The following SCLT1 variants were observed in gnomAD, a reference collection of about 807,000 sequenced individuals.
SCLT1 encodes sodium channel and clathrin linker 1.
SCLT1 carries 78 observed loss-of-function variants against 112.8 expected under a neutral mutation model. That is an observed-to-expected ratio of 0.69 (90% CI 0.58 to 0.83). The LOEUF is 0.83. Among genes scored for constraint, SCLT1 ranks in the 40% least tolerant of loss-of-function variants. SCLT1 has a pLI of 0.00. For synonymous variants in SCLT1, 257 were observed against 254.7 expected, an observed-to-expected ratio of 1.01 and a Z score of -0.09; for missense variants, 747 against 770.4, an observed-to-expected ratio of 0.97 and a Z score of 0.36.
intron 4 of SCLT1, chr4:129,040,180 G>C: frequency 1.4e-6 from 1 of 702,618 alleles, no homozygotes. Flanking sequence ...AATTTGGTTT[G>C]AAAGGTGAAC....
chr4:129,049,190 C>T lies in SCLT1; in HGVS notation c.103-5139G>A, dbSNP rs558188313. ...AAAGACACATGCACACGTATGTTTACTGCGGCATTATTCACAATAGCAAAG... is the reference window on the plus strand; with the variant it reads ...AAAGACACATGCACACGTATGTTTATTGCGGCATTATTCACAATAGCAAAG... On this transcript the variant is annotated intron_variant, in intron 2 of 20. Coordinates refer to ENST00000281142, the MANE Select transcript of SCLT1 (RefSeq NM_144643.4). 4.5e-3 allele frequency among the ~76,000 whole-genome samples: 676 copies of T among 151,332 alleles called. 4 individuals are homozygous for T. The highest frequency in any genetic ancestry group is 0.015 in the African/African-American group (634 of 41,090).
At chr4:128,993,244 T>C (rs1179086258) in intron 8 of SCLT1, among the ~76,000 whole-genome samples, 1 of 152,074 alleles carries the variant, frequency 6.6e-6, no homozygotes, top group Non-Finnish European at 1.5e-5. Context: ...TACATGCCTT[T>C]ACAGTGCACA....
chr4:129,068,916 T>C (rs1477933544), intron 2 of SCLT1, among the ~76,000 whole-genome samples: 1 of 152,206 alleles, frequency 6.6e-6, no homozygotes, highest in Non-Finnish European at 1.5e-5. Context: ...GGTCTTAGAT[T>C]TAAGTCCTTA....
intron 17 of SCLT1, among the ~76,000 whole-genome samples, chr4:128,938,495 T>C (rs779022023): frequency 1.3e-5 from 2 of 152,218 alleles, no homozygotes; most frequent in African/African-American, 2.4e-5. Flanking sequence ...GCAAGCCTCC[T>C]GAGGCCACTT....
chr4:128,952,438 C>T (rs1738837236), intron 14 of SCLT1: 1 of 478,216 alleles, frequency 2.1e-6, no homozygotes. Context: ...TTCTTCCTTC[C>T]CACTGTTATA....
At chr4:128,896,994 A>C (rs1432980745) in intron 18 of SCLT1, among the ~76,000 whole-genome samples, 2 of 152,198 alleles carry the variant, frequency 1.3e-5, no homozygotes, top group Non-Finnish European at 2.9e-5. Flanking sequence ...AAAAGAAACG[A>C]ACAAAGCCTC....
chr4:129,048,551 T>A (rs1427475106), intron 2 of SCLT1, among the ~76,000 whole-genome samples: 1 of 151,282 alleles, frequency 6.6e-6, no homozygotes, highest in Non-Finnish European at 1.5e-5. Context: ...GGCATTACCA[T>A]TCAGGACATA....
intron 5 of SCLT1, among the ~76,000 whole-genome samples, chr4:129,006,634 AT>A (rs1003521211): frequency 3.3e-5 from 5 of 151,892 alleles, no homozygotes; most frequent in African/African-American, 1.2e-4. Flanking sequence ...TTGCAAGGTC[AT>A]TTTTTTAATC....
intron 3 of SCLT1, among the ~76,000 whole-genome samples, chr4:129,043,762 A>G (rs1346760654): frequency 1.3e-5 from 2 of 152,178 alleles, no homozygotes; most frequent in African/African-American, 2.4e-5. Flanking sequence ...GTGACAAACA[A>G]AAATGTTTCT....
chr4:128,952,914 A>G (rs890074766), intron 13 of SCLT1, 74 bp from the exon 14 acceptor site: 8 of 781,378 alleles, frequency 1.0e-5, no homozygotes, highest in African/African-American at 1.7e-5. Flanking sequence ...AACACTCAGG[A>G]TAATAATTTT....
intron 2 of SCLT1, among the ~76,000 whole-genome samples, chr4:129,076,666 GA>G (rs907889471): frequency 1.4e-5 from 2 of 147,752 alleles, no homozygotes; most frequent in Admixed American, 6.8e-5. Context: ...GCCTGGGTAT[GA>G]AAAAAAAAGC....
chr4:129,064,675 G>A (rs1444567740), intron 2 of SCLT1, among the ~76,000 whole-genome samples: 1 of 152,052 alleles, frequency 6.6e-6, no homozygotes, highest in African/African-American at 2.4e-5. Flanking sequence ...CAATTTTTAT[G>A]TGTCTAATTT....
chr4:128,961,857 A>G (rs947471187), intron 11 of SCLT1, among the ~76,000 whole-genome samples: 1 of 152,228 alleles, frequency 6.6e-6, no homozygotes, highest in African/African-American at 2.4e-5. Context: ...TTATGGTTAC[A>G]CATTCTCAGA....
intron 5 of SCLT1, among the ~76,000 whole-genome samples, chr4:129,033,785 T>G (rs1163274820): frequency 6.6e-6 from 1 of 152,106 alleles, no homozygotes; most frequent in Non-Finnish European, 1.5e-5. Flanking sequence ...CAGAGTGACT[T>G]AAGACTAGTA....
At chr4:128,959,518 C>G in intron 12 of SCLT1, 82 bp downstream of exon 12, 1 of 940,120 alleles carries the variant, frequency 1.1e-6, no homozygotes, top group Admixed American at 2.2e-5. Flanking sequence ...TATTCAACAG[C>G]TATTGAATCC....
downstream of SCLT1, among the ~76,000 whole-genome samples, chr4:128,882,327 A>T (rs1732660308): frequency 6.6e-6 from 1 of 152,220 alleles, no homozygotes; most frequent in African/African-American, 2.4e-5. Context: ...AATGAAAATA[A>T]GCTATGTGCC....
At chr4:129,025,530 A>T (rs1388165791) in intron 5 of SCLT1, among the ~76,000 whole-genome samples, 1 of 152,112 alleles carries the variant, frequency 6.6e-6, no homozygotes, top group African/African-American at 2.4e-5. Context: ...GGCCTGCCCT[A>T]AAAGAGCTCC....
At chr4:128,994,585 T>C (rs566633462) in intron 8 of SCLT1, among the ~76,000 whole-genome samples, 4 of 151,896 alleles carry the variant, frequency 2.6e-5, no homozygotes, top group African/African-American at 7.3e-5. Context: ...TTGAGGAAAC[T>C]CTATACTGTG....
At chr4:129,043,909 T>C (rs938251678) in intron 3 of SCLT1, 84 bp downstream of exon 3, 5 of 746,020 alleles carry the variant, frequency 6.7e-6, no homozygotes, top group Non-Finnish European at 1.1e-5. Flanking sequence ...CAGCAGACCA[T>C]AAAACAAACA....
Sources: allele counts gnomAD v4.1 joint callset (sites outside exome capture counted in the v4.1 genomes callset), GRCh38; gene constraint gnomAD v4.1.1; transcripts MANE v1.5; gene names NCBI Gene and HGNC (gene_info 2026-07-23, HGNC 2026-07-21).